Variants in IQGAP2 observed in about 807,000 individuals in gnomAD.
IQGAP2 encodes IQ motif containing GTPase activating protein 2, also known as ras GTPase-activating-like protein IQGAP2.
A neutral mutation model predicts 201.3 loss-of-function variants in IQGAP2; 173 were observed. That is an observed-to-expected ratio of 0.86 (90% CI 0.76 to 0.98). The LOEUF is 0.98. Among genes scored for constraint, IQGAP2 ranks in the 50% least tolerant of loss-of-function variants. The pLI, the probability that IQGAP2 is intolerant of heterozygous loss-of-function variation, is 0.00. For synonymous variants in IQGAP2, 675 were observed against 673.9 expected, an observed-to-expected ratio of 1.00 and a Z score of -0.03; for missense variants, 1,687 against 1,864.8, an observed-to-expected ratio of 0.90 and a Z score of 1.76.
intron 1 of IQGAP2, among the ~76,000 whole-genome samples, chr5:76,418,206 CAAA>C (rs11329998): frequency 8.2e-5 from 7 of 85,768 alleles, no homozygotes; most frequent in Admixed American, 3.9e-4. Context: ...GACTCCGTCT[CAAA>C]AAAAAAAAAA....
intron 14 of IQGAP2, 102 bp downstream of exon 14, chr5:76,627,602 C>A: frequency 1.4e-6 from 1 of 720,172 alleles, no homozygotes; most frequent in Non-Finnish European, 2.4e-6. Context: ...GGATTCTTAC[C>A]AAGTTTTAGT....
chr5:76,615,502 AT>A (rs1370569151), intron 13 of IQGAP2: 1 of 152,166 alleles, frequency 6.6e-6, no homozygotes, highest in African/African-American at 2.4e-5. Context: ...ATTGTTTTTT[AT>A]TGTTTTGTTG....
intron 2 of IQGAP2, among the ~76,000 whole-genome samples, chr5:76,512,263 G>T (rs937952441): frequency 6.6e-6 from 1 of 152,146 alleles, no homozygotes; most frequent in Admixed American, 6.5e-5. Context: ...AGTTACTTGG[G>T]CATCCAAAAA....
Position 76,597,594 on chromosome 5 carries a change from A to G in IQGAP2, c.1063A>G (p.Asn355Asp). 6.2e-7 allele frequency: 1 copy of G among 1,613,942 alleles called. No homozygotes were observed. Among genetic ancestry groups the G allele is most frequent in the Non-Finnish European group, 8.5e-7 (1 of 1,179,954 alleles). The stretch of plus-strand genomic sequence containing the variant: ...CGAACTTTTCAACCTCCAGAAACAG[A>G]ACACCATGGTAAGTCAGAGGAGACC... ...QNELFNLQKQNTMNYLAHEEL... is the reference protein window; with the variant it reads ...QNELFNLQKQDTMNYLAHEEL... Residue 355 changes from asparagine to aspartate, a missense_variant, in exon 10 of 36, where the codon AAC (asparagine) becomes GAC (aspartate). Asn to Asp is a conservative substitution (Grantham distance 23). Coordinates refer to ENST00000274364, the MANE Select transcript of IQGAP2 (RefSeq NM_006633.5).
chr5:76,554,526 A>G (rs1743803420), intron 2 of IQGAP2, among the ~76,000 whole-genome samples: 1 of 152,258 alleles, frequency 6.6e-6, no homozygotes, highest in African/African-American at 2.4e-5. Flanking sequence ...ACATTTCTCC[A>G]AAAGTATATA....
chr5:76,426,927 T>TGTGTGTGTGTGA (rs1205904440), intron 1 of IQGAP2, among the ~76,000 whole-genome samples: 1 of 151,794 alleles, frequency 6.6e-6, no homozygotes, highest in African/African-American at 2.4e-5. Flanking sequence ...TGTGTGTGTG[T>TGTGTGTGTGTGA]GTGTGTGTGA....
chr5:76,540,077 G>A (rs774787813), intron 2 of IQGAP2, among the ~76,000 whole-genome samples: 6 of 152,106 alleles, frequency 3.9e-5, no homozygotes, highest in Admixed American at 6.6e-5. Flanking sequence ...GGTTCAAAGC[G>A]CCCCAAGTTT....
chr5:76,694,161 G>A (rs932422519), intron 31 of IQGAP2, among the ~76,000 whole-genome samples: 2 of 152,168 alleles, frequency 1.3e-5, no homozygotes, highest in Non-Finnish European at 2.9e-5. Context: ...GGCTGGGCAT[G>A]GTGGCTCATG....
chr5:76,536,034 A>G (rs1439512932), intron 2 of IQGAP2, among the ~76,000 whole-genome samples: 1 of 147,256 alleles, frequency 6.8e-6, no homozygotes, highest in Non-Finnish European at 1.5e-5. Flanking sequence ...CCTAGCACGT[A>G]CCCATTTACC....
chr5:76,667,877 C>CTTTTTTTTTTTTTTTTTT (rs540744402), intron 22 of IQGAP2, among the ~76,000 whole-genome samples: 10 of 123,422 alleles, frequency 8.1e-5, no homozygotes, highest in African/African-American at 2.5e-4. Context: ...AGTCCACTTT[C>CTTTTTTTTTTTTTTTTTT]TTTTTTTTTT....
chr5:76,525,344 G>A (rs549890531), intron 2 of IQGAP2, among the ~76,000 whole-genome samples: 30 of 152,300 alleles, frequency 2.0e-4, no homozygotes, highest in African/African-American at 7.2e-4. Context: ...ATAAGTTGTG[G>A]TTTTGCCCAT....
At chr5:76,448,853 C>T (rs1043488749) in intron 1 of IQGAP2, among the ~76,000 whole-genome samples, 1 of 152,056 alleles carries the variant, frequency 6.6e-6, no homozygotes, top group African/African-American at 2.4e-5. Flanking sequence ...CAATTGATGC[C>T]CAGTGAACTG....
chr5:76,510,804 C>T (rs1347722450), intron 2 of IQGAP2: 10 of 448,522 alleles, frequency 2.2e-5, no homozygotes, highest in Non-Finnish European at 3.5e-5. Flanking sequence ...CCTCCAAGAG[C>T]CCAGAAGACA....
At chr5:76,539,974 G>A (rs913182335) in intron 2 of IQGAP2, among the ~76,000 whole-genome samples, 26 of 152,264 alleles carry the variant, frequency 1.7e-4, no homozygotes, top group African/African-American at 2.9e-4. Flanking sequence ...CATTTGTGTC[G>A]GATTTGATCA....
At chr5:76,702,847 A>G (rs935121942) in intron 35 of IQGAP2, among the ~76,000 whole-genome samples, 1 of 152,252 alleles carries the variant, frequency 6.6e-6, no homozygotes, top group African/African-American at 2.4e-5. Context: ...AAGCTTAGAC[A>G]AAAGAATATA....
intron 2 of IQGAP2, among the ~76,000 whole-genome samples, chr5:76,551,513 GTGGAGGT>G (rs747637698): frequency 0.15 from 22,240 of 152,066 alleles, 1,780 homozygotes; most frequent in Admixed American, 0.27. Flanking sequence ...CGGCTGGGAG[GTGGAGGT>G]TGTAGCGAGC....
intron 19 of IQGAP2, 34 bp from the exon 20 acceptor site, chr5:76,654,900 C>G: frequency 7.0e-7 from 1 of 1,436,852 alleles, no homozygotes; most frequent in Non-Finnish European, 9.8e-7. Context: ...AGGTGGGACT[C>G]TGGGAGATCA....
chr5:76,438,785 C>T (rs1752865855), intron 1 of IQGAP2, among the ~76,000 whole-genome samples: 1 of 152,108 alleles, frequency 6.6e-6, no homozygotes, highest in Admixed American at 6.6e-5. Context: ...TCTTCTCTCT[C>T]ATTTTCTTGG....
At chr5:76,662,698 C>T (rs1743368050) in intron 21 of IQGAP2, among the ~76,000 whole-genome samples, 1 of 152,180 alleles carries the variant, frequency 6.6e-6, no homozygotes, top group South Asian at 2.1e-4. Flanking sequence ...CTTAGGACTT[C>T]TTATAGATAA....
Sources: gnomAD v4.1 joint callset for allele counts (sites outside exome capture counted in the v4.1 genomes callset) on GRCh38, gnomAD v4.1.1 for gene constraint, MANE v1.5 for transcripts, NCBI Gene and HGNC (gene_info 2026-07-23, HGNC 2026-07-21) for gene names.